TOP1: variants seen among roughly 807,000 people sequenced by gnomAD.
TOP1 encodes the protein DNA topoisomerase I.
In TOP1, 10 loss-of-function variants were observed where a neutral mutation model predicts 111.1. That is an observed-to-expected ratio of 0.09 (90% CI 0.06 to 0.15). The LOEUF is 0.15. Ranked by LOEUF, TOP1 falls within the 10% of genes least tolerant of loss-of-function variation. The pLI, the probability that TOP1 is intolerant of heterozygous loss-of-function variation, is 1.00. For missense variants in TOP1, 474 were observed against 926.7 expected, an observed-to-expected ratio of 0.51 and a Z score of 6.34; for synonymous variants, 271 against 302.9, an observed-to-expected ratio of 0.89 and a Z score of 1.10.
intron 3 of TOP1, among the ~76,000 whole-genome samples, chr20:41,066,912 G>A (rs1421056926): frequency 2.0e-5 from 3 of 151,874 alleles, no homozygotes; most frequent in Non-Finnish European, 4.4e-5. Context: ...TTTTTGCCAA[G>A]AGCTATTGGA....
rs2034071927 is a variant in TOP1 at position 41,102,069 on chromosome 20, C to T, written c.1308+716C>T. 6.6e-6 allele frequency among the ~76,000 whole-genome samples: 1 copy of T among 152,178 alleles called. No individual in the cohort carries two copies. Among genetic ancestry groups the T allele is most frequent in the Non-Finnish European group, 1.5e-5 (1 of 68,024 alleles). On this transcript the variant is annotated intron_variant, in intron 13 of 20. Transcript: ENST00000361337. The surrounding 1 kb of genome is among the most constrained non-coding windows in gnomAD (Gnocchi z 4.0). ...TATAAACCTAACAGAGACAAAAACA[C>T]AGTCAAGGAATTAGTTCTATGTAGA...
intron 2 of TOP1, among the ~76,000 whole-genome samples, chr20:41,036,044 G>A (rs2033180717): frequency 6.6e-6 from 1 of 152,214 alleles, no homozygotes; most frequent in Non-Finnish European, 1.5e-5. Flanking sequence ...ACATTTTTAT[G>A]TGCATTAAAT....
chr20:41,040,361 A>G (rs545740824), intron 2 of TOP1, among the ~76,000 whole-genome samples: 78 of 152,358 alleles, frequency 5.1e-4, no homozygotes, highest in African/African-American at 1.8e-3. Flanking sequence ...AATGGATGCA[A>G]TGTAAGTAGT....
chr20:41,040,242 C>T (rs1478451057), intron 2 of TOP1, among the ~76,000 whole-genome samples: 1 of 152,178 alleles, frequency 6.6e-6, no homozygotes, highest in East Asian at 1.9e-4. Flanking sequence ...GAGAAAGATG[C>T]AGAGTACATA....
chr20:41,112,480 G>A lies in TOP1; in HGVS notation c.1309-302G>A, dbSNP rs2034258030. ...GCTTGGCAGTGAGATGGGACAATGTGCATTCTTAACAGGTTAAATGTGCCA... is the reference window on the plus strand; with the variant it reads ...GCTTGGCAGTGAGATGGGACAATGTACATTCTTAACAGGTTAAATGTGCCA... On this transcript the variant is annotated intron_variant, in intron 13 of 20. Transcript: ENST00000361337. This position sits in a 1 kb window ranked among gnomAD's most constrained non-coding sequence, Gnocchi z 5.8. 6.6e-6 allele frequency among the ~76,000 whole-genome samples: 1 copy of A among 152,242 alleles called. No individual in the cohort carries two copies. Among genetic ancestry groups the A allele is most frequent in the South Asian group, 2.1e-4 (1 of 4,838 alleles).
Position 41,032,955 on chromosome 20 carries a change from C to A in TOP1, c.58+3500C>A, listed in dbSNP as rs1050663696. Among the ~76,000 whole-genome samples, 4 of 152,190 alleles carry A rather than the reference C, an allele frequency of 2.6e-5. No individual in the cohort carries two copies. The highest frequency in any genetic ancestry group is 9.6e-5 in the African/African-American group (4 of 41,454). ...CATCCTCAGACTCAATCAGGAAATA[C>A]TTAAGCATTATGCTCCAGGGTGGTT... On this transcript the variant is annotated intron_variant, in intron 2 of 20. Coordinates refer to ENST00000361337, the MANE Select transcript of TOP1 (RefSeq NM_003286.4). This position sits in a 1 kb window ranked among gnomAD's most constrained non-coding sequence, Gnocchi z 4.3.
intron 2 of TOP1, among the ~76,000 whole-genome samples, chr20:41,040,234 G>GAAAA: frequency 6.6e-6 from 1 of 152,332 alleles, no homozygotes; most frequent in South Asian, 2.1e-4. Context: ...GCTCTTCAGA[G>GAAAA]AAAGATGCAG....
intron 2 of TOP1, among the ~76,000 whole-genome samples, chr20:41,059,413 TAAATA>T (rs1400170262): frequency 2.3e-5 from 2 of 86,194 alleles, no homozygotes; most frequent in African/African-American, 5.2e-5. Flanking sequence ...TGCTAGAAAA[TAAATA>T]AATAAATAAA....
Position 41,046,267 on chromosome 20 carries a change from A to C in TOP1, c.59-15127A>C, listed in dbSNP as rs2033332825. The stretch of plus-strand genomic sequence containing the variant: ...TGTTCACTGGGCCAGTTTACTTTTG[A>C]AGAAATTGAATCTCACGGTTTAAGT... On this transcript the variant is annotated intron_variant, in intron 2 of 20. Coordinates refer to ENST00000361337, the MANE Select transcript of TOP1 (RefSeq NM_003286.4). The surrounding 1 kb of genome is among the most constrained non-coding windows in gnomAD (Gnocchi z 4.3). 6.6e-6 allele frequency among the ~76,000 whole-genome samples: 1 copy of C among 152,188 alleles called. No homozygotes were observed. Among genetic ancestry groups the C allele is most frequent in the East Asian group, 1.9e-4 (1 of 5,200 alleles).
chr20:41,037,606 T>G (rs904887906), intron 2 of TOP1, among the ~76,000 whole-genome samples: 2 of 152,246 alleles, frequency 1.3e-5, no homozygotes, highest in Admixed American at 6.5e-5. Flanking sequence ...TTAACAGTTA[T>G]GCGTGAGTAT....
chr20:41,121,956 T>C lies in TOP1; in HGVS notation c.2046-50T>C, dbSNP rs756622748. ...AAGTGGCAGGATGGGTACAGTGTGC[T>C]CTTGTCTAGAGCCCAGGCCTGGTTC... On this transcript the variant is annotated intron_variant, in intron 19 of 20. Coordinates refer to ENST00000361337, the MANE Select transcript of TOP1 (RefSeq NM_003286.4). This position sits in a 1 kb window ranked among gnomAD's most constrained non-coding sequence, Gnocchi z 4.2. 3.7e-6 allele frequency: 6 copies of C among 1,607,498 alleles called. No individual in the cohort carries two copies. In the Admixed American group the frequency reaches 8.5e-5, roughly 23 times the overall value.
chr20:41,077,030 T>C (rs538394739), intron 4 of TOP1, among the ~76,000 whole-genome samples: 18 of 151,988 alleles, frequency 1.2e-4, no homozygotes, highest in African/African-American at 4.3e-4. Context: ...GGGGAGGGGG[T>C]CATGAGTATA....
Position 41,028,936 on chromosome 20 carries a change from C to T in TOP1, c.-132C>T. On this transcript the variant is annotated 5_prime_UTR_variant, in exon 1 of 21. Coordinates refer to ENST00000361337, the MANE Select transcript of TOP1 (RefSeq NM_003286.4). ...CCTCAGCCGTTTCTGGAGTCTCGGGCCCACAGTCACCGCCGCTTACCTGCG... is the reference window on the plus strand; with the variant it reads ...CCTCAGCCGTTTCTGGAGTCTCGGGTCCACAGTCACCGCCGCTTACCTGCG... 1.4e-6 allele frequency: 1 copy of T among 718,496 alleles called. No homozygotes were observed. Among genetic ancestry groups the T allele is most frequent in the Non-Finnish European group, 2.3e-6 (1 of 433,464 alleles). 44.5% of individuals were successfully genotyped at this position (718,496 alleles called of 1,614,324 possible).
intron 3 of TOP1, among the ~76,000 whole-genome samples, chr20:41,068,480 A>G (rs1041993644): frequency 2.0e-5 from 3 of 152,084 alleles, no homozygotes; most frequent in Non-Finnish European, 2.9e-5. Context: ...ATTATAGCTC[A>G]CTGCAGCCTC....
At position 41,098,137 on chromosome 20, in the gene TOP1, G is replaced by GT; in HGVS notation, c.853-77dup. ...TTGACTGAAAAAATGGTGCTTGGGT[G>GT]TATTTGCAAAGAAACCCAAGGACTT... On this transcript the variant is annotated intron_variant, in intron 10 of 20. Coordinates refer to ENST00000361337, the MANE Select transcript of TOP1 (RefSeq NM_003286.4). This position sits in a 1 kb window ranked among gnomAD's most constrained non-coding sequence, Gnocchi z 5.7. The GT allele has an allele frequency of 6.8e-7, 1 of 1,470,974 alleles. No homozygotes were observed. Among genetic ancestry groups the GT allele is most frequent in the Middle Eastern group, 1.7e-4 (1 of 5,770 alleles). The allele number at this position is 1,470,974 out of a possible 1,614,324, so 91.1% of individuals were successfully genotyped here.
chr20:41,108,564 G>A (rs1057137143), intron 13 of TOP1, among the ~76,000 whole-genome samples: 5 of 152,180 alleles, frequency 3.3e-5, no homozygotes, highest in African/African-American at 1.2e-4. Flanking sequence ...TCTAGGTACT[G>A]AAAAGGTTGT....
intron 2 of TOP1, among the ~76,000 whole-genome samples, chr20:41,049,462 T>C (rs1341085257): frequency 6.6e-6 from 1 of 152,246 alleles, no homozygotes. Flanking sequence ...TTCATTTAAT[T>C]CAGTTTGACC....
chr20:41,037,171 T>C (rs2033199808), intron 2 of TOP1, among the ~76,000 whole-genome samples: 1 of 152,158 alleles, frequency 6.6e-6, no homozygotes, highest in Admixed American at 6.5e-5. Context: ...AAAGTGGTCA[T>C]TGCCAAAGGA....
In TOP1 at chr20:41,078,148, G is replaced by A. The variant is rs1356827350; in HGVS notation, c.335+511G>A. ...AAAAGATCATTTGACCTACATGTTA[G>A]GGATGAGTGTAGATTTGGGTAGAAT... On this transcript the variant is annotated intron_variant, in intron 5 of 20. Coordinates refer to ENST00000361337, the MANE Select transcript of TOP1 (RefSeq NM_003286.4). This position sits in a 1 kb window ranked among gnomAD's most constrained non-coding sequence, Gnocchi z 5.3. Among the ~76,000 whole-genome samples the A allele has an allele frequency of 1.3e-5, 2 of 152,014 alleles. No individual in the cohort carries two copies. The highest frequency in any genetic ancestry group is 2.9e-5 in the Non-Finnish European group (2 of 68,004).
Sources: allele counts gnomAD v4.1 joint callset (sites outside exome capture counted in the v4.1 genomes callset), GRCh38; gene constraint gnomAD v4.1.1; non-coding constraint Gnocchi (gnomAD v3.1); transcripts MANE v1.5; gene names NCBI Gene and HGNC (gene_info 2026-07-23, HGNC 2026-07-21).